Variants in ASAP1 observed in about 807,000 individuals in gnomAD.
The protein encoded by ASAP1 is ArfGAP with SH3 domain, ankyrin repeat and PH domain 1.
Under a neutral mutation model 145.2 loss-of-function variants are expected in ASAP1, and 43 were observed. That is an observed-to-expected ratio of 0.30 (90% CI 0.23 to 0.38). The LOEUF (loss-of-function observed/expected upper bound fraction) is 0.38. Among genes scored for constraint, ASAP1 ranks in the 10% least tolerant of loss-of-function variants. The probability of loss-of-function intolerance (pLI) is 1.00; values close to 1 mark genes in which losing one functional copy is unlikely to be tolerated. For synonymous variants in ASAP1, 546 were observed against 515.5 expected (o/e 1.06, Z -0.80); for missense variants, 1,018 against 1,355.3 (o/e 0.75, Z 3.91).
Position 130,438,469 on chromosome 8 carries a change from C to T in ASAP1, c.-28+4991G>A, listed in dbSNP as rs573648801. 3.9e-5 allele frequency among the ~76,000 whole-genome samples: 6 copies of T among 152,220 alleles called. 1 individual carries two copies. The highest frequency in any genetic ancestry group is 1.4e-4 in the African/African-American group (6 of 41,550). On this transcript the variant is annotated intron_variant, in intron 1 of 29. Transcript: ENST00000518721. Reference sequence around the variant, plus strand: ...TGCAGCTTTGGAACAAGGTTTTAGCCATACAAAAGGAACAACTGTAGGGAT... The same window carrying T: ...TGCAGCTTTGGAACAAGGTTTTAGCTATACAAAAGGAACAACTGTAGGGAT...
At chr8:130,361,381 A>G (rs2138193986) in intron 2 of ASAP1, among the ~76,000 whole-genome samples, 1 of 152,360 alleles carries the variant, frequency 6.6e-6, no homozygotes, top group South Asian at 2.1e-4. Context: ...TTGTGTATAC[A>G]GTCAGCTCTG....
intron 24 of ASAP1, among the ~76,000 whole-genome samples, chr8:130,093,217 G>A (rs1384814955): frequency 6.6e-6 from 1 of 152,206 alleles, no homozygotes; most frequent in Non-Finnish European, 1.5e-5. Context: ...TGTTAAGGGA[G>A]TAGTGTATTT....
chr8:130,061,695 AC>A (rs2079568898), intron 27 of ASAP1, among the ~76,000 whole-genome samples: 2 of 152,340 alleles, frequency 1.3e-5, no homozygotes, highest in South Asian at 4.1e-4. Flanking sequence ...GGTGATACAC[AC>A]GCGTGTGCTA....
At position 130,401,989 on chromosome 8, in the gene ASAP1, A is replaced by G. The variant is rs1828818640; in HGVS notation, c.-27-19T>C. 6.5e-7 allele frequency: 1 copy of G among 1,547,296 alleles called. No individual in the cohort carries two copies. On this transcript the variant is annotated intron_variant, in intron 1 of 29. Transcript: ENST00000518721. ...AAACGACCTGGATAGGGGGCAGGAC[A>G]AAAAGGGGACAAGAGTCATCCGGTG...
At position 130,432,170 on chromosome 8, in the gene ASAP1, G is replaced by A. The variant is rs529919804; in HGVS notation, c.-28+11290C>T. On this transcript the variant is annotated intron_variant, in intron 1 of 29. Coordinates refer to ENST00000518721, the MANE Select transcript of ASAP1 (RefSeq NM_018482.4). ...CAGAGGCAGGAGGAGGGGAGGAGGG[G>A]AAAGGGGGAGAAGGGAGAGAGGGAG... 3.6e-4 allele frequency among the ~76,000 whole-genome samples: 51 copies of A among 139,732 alleles called. 2 individuals carry two copies. Among genetic ancestry groups the A allele is most frequent in the Admixed American group, 1.3e-3 (18 of 13,860 alleles). 91.7% of individuals were successfully genotyped at this position (139,732 alleles called of 152,430 possible). A position where few individuals can be genotyped will look rare whatever the true frequency, so the allele number is the denominator to read the frequency against.
chr8:130,413,614 T>A (rs1339394815), intron 1 of ASAP1, among the ~76,000 whole-genome samples: 1 of 152,192 alleles, frequency 6.6e-6, no homozygotes, highest in African/African-American at 2.4e-5. Flanking sequence ...ACTGTAAGTT[T>A]GAAAAATGAG....
chr8:130,105,993 C>A (rs1016715110), intron 24 of ASAP1, among the ~76,000 whole-genome samples: 1 of 152,186 alleles, frequency 6.6e-6, no homozygotes, highest in Non-Finnish European at 1.5e-5. Context: ...GCCAGAGGCA[C>A]AACAAGGATT....
chr8:130,268,487 T>TAA (rs1308054518), intron 3 of ASAP1, among the ~76,000 whole-genome samples: 38 of 68,182 alleles, frequency 5.6e-4, no homozygotes, highest in Non-Finnish European at 7.3e-4. Flanking sequence ...GATCCCGTCT[T>TAA]AAAACACACA....
intron 5 of ASAP1, among the ~76,000 whole-genome samples, chr8:130,195,667 G>A (rs1815434357): frequency 6.6e-6 from 1 of 152,140 alleles, no homozygotes; most frequent in Admixed American, 6.5e-5. Flanking sequence ...GAAATTTGGA[G>A]TAAATCAAAC....
chr8:130,343,997 T>C (rs956470318), intron 3 of ASAP1, among the ~76,000 whole-genome samples: 2 of 152,236 alleles, frequency 1.3e-5, no homozygotes, highest in Non-Finnish European at 2.9e-5. Flanking sequence ...CTTGTCCTCA[T>C]TTTCTACAAA....
At chr8:130,372,675 G>C (rs1403985968) in intron 2 of ASAP1, among the ~76,000 whole-genome samples, 1 of 152,188 alleles carries the variant, frequency 6.6e-6, no homozygotes, top group Non-Finnish European at 1.5e-5. Flanking sequence ...TCTGTAGCTT[G>C]ATATATCTAA....
intron 8 of ASAP1, among the ~76,000 whole-genome samples, chr8:130,180,353 TTTC>T (rs1814269306): frequency 6.6e-6 from 1 of 152,218 alleles, no homozygotes; most frequent in Non-Finnish European, 1.5e-5. Context: ...TGAAATCGAC[TTTC>T]TTAATGACAA....
intron 2 of ASAP1, among the ~76,000 whole-genome samples, chr8:130,395,874 T>C (rs1234506767): frequency 6.6e-6 from 1 of 152,070 alleles, no homozygotes; most frequent in Non-Finnish European, 1.5e-5. Context: ...CTATGTTAGC[T>C]AGGCTGATCT....
chr8:130,106,320 T>C (rs2097536771), intron 24 of ASAP1, among the ~76,000 whole-genome samples: 1 of 152,158 alleles, frequency 6.6e-6, no homozygotes, highest in South Asian at 2.1e-4. Flanking sequence ...TGTAAAGTCA[T>C]CAATATATGA....
intron 13 of ASAP1, among the ~76,000 whole-genome samples, chr8:130,141,065 A>G (rs2097609713): frequency 6.6e-6 from 1 of 152,256 alleles, no homozygotes; most frequent in African/African-American, 2.4e-5. Context: ...GGATTTCAGC[A>G]GACTAAAATT....
intron 3 of ASAP1, among the ~76,000 whole-genome samples, chr8:130,248,953 A>G (rs1819026873): frequency 6.6e-6 from 1 of 152,168 alleles, no homozygotes; most frequent in African/African-American, 2.4e-5. Context: ...TTTTAGAAAC[A>G]GGGGTCTCAC....
intron 3 of ASAP1, among the ~76,000 whole-genome samples, chr8:130,263,590 T>C (rs1440524219): frequency 6.6e-6 from 1 of 152,204 alleles, no homozygotes; most frequent in Non-Finnish European, 1.5e-5. Flanking sequence ...CTTTGCTCAC[T>C]TAGGGAGCCT....
chr8:130,183,912 C>A lies in ASAP1; in HGVS notation c.531-3032G>T, dbSNP rs550805976. 5.9e-5 allele frequency among the ~76,000 whole-genome samples: 9 copies of A among 152,116 alleles called. No homozygotes were observed. The South Asian group carries it at 1.9e-3, about 32-fold the overall frequency. On this transcript the variant is annotated intron_variant, in intron 7 of 29. Transcript: ENST00000518721. ...TGTACTGCTGATCTAAAGAGCTCTG[C>A]AAAGGGATGTCTCCAGGAAAGAAGA...
intron 14 of ASAP1, among the ~76,000 whole-genome samples, chr8:130,135,325 C>G (rs1586406194): frequency 6.6e-6 from 1 of 152,010 alleles, no homozygotes; most frequent in Admixed American, 6.6e-5. Flanking sequence ...TGCCTCTAGA[C>G]AAAAAATTAA....
Sources: gnomAD v4.1 joint callset for allele counts (sites outside exome capture counted in the v4.1 genomes callset) on GRCh38, gnomAD v4.1.1 for gene constraint, MANE v1.5 for transcripts, NCBI Gene and HGNC (gene_info 2026-07-23, HGNC 2026-07-21) for gene names.